Variants in GPR32 observed in about 807,000 individuals in gnomAD.
GPR32 encodes G protein-coupled receptor 32.
For missense variants in GPR32, 433 were observed against 454.1 expected, an observed-to-expected ratio of 0.95 and a Z score of 0.42; for synonymous variants, 215 against 195.3, an observed-to-expected ratio of 1.10 and a Z score of -0.84.
Position 50,771,428 on chromosome 19 carries a change from G to T in GPR32, c.828G>T (p.Leu276=). The T allele has an allele frequency of 6.2e-7, 1 of 1,614,202 alleles. No homozygotes were observed. Among genetic ancestry groups the T allele is most frequent in the Non-Finnish European group, 8.5e-7 (1 of 1,180,030 alleles). Residue 276 remains leucine, a synonymous_variant, in exon 1 of 1, where the codon CTG becomes CTT. Coordinates refer to ENST00000270590, the MANE Select transcript of GPR32 (RefSeq NM_001506.2). ...FIFWSPFNVV[L]LVHLWRRVML... ...TCTGGTCCCCGTTTAACGTGGTGCT[G>T]TTGGTCCATCTGTGGCGACGGGTGA...
Position 50,771,467 on chromosome 19 carries a change from C to G in GPR32, c.867C>G (p.Ile289Met), listed in dbSNP as rs1234782193. The G allele has an allele frequency of 6.2e-7, 1 of 1,614,194 alleles. No homozygotes were observed. The highest frequency in any genetic ancestry group is 8.5e-7 in the Non-Finnish European group (1 of 1,180,024). The change falls in exon 1 of 1, where the codon ATC (isoleucine) becomes ATG (methionine). Residue 289 changes from isoleucine to methionine, a missense_variant. Ile to Met is a conservative substitution (Grantham distance 10). Transcript: ENST00000270590. ...HLWRRVMLKEIYHPRMLLILQ... is the reference protein window; with the variant it reads ...HLWRRVMLKEMYHPRMLLILQ... ...GGCGACGGGTGATGCTCAAGGAAAT[C>G]TACCACCCCCGGATGCTGCTCATCC...
chr19:50,770,789 G>A lies in GPR32; in HGVS notation c.189G>A (p.Leu63=), dbSNP rs371882426. Residue 63 remains leucine, a synonymous_variant, in exon 1 of 1, where the codon CTG becomes CTA. Transcript: ENST00000270590. ...TCGTCGGAGTGCTGGGCAATGGGCTGGTGCTGTGGATGACTGTCTTCCGTA... is the reference window on the plus strand; with the variant it reads ...TCGTCGGAGTGCTGGGCAATGGGCTAGTGCTGTGGATGACTGTCTTCCGTA... ...SIVVGVLGNG[L]VLWMTVFRMA... The A allele has an allele frequency of 7.4e-6, 12 of 1,614,016 alleles. No homozygotes were observed. In the African/African-American group the frequency reaches 9.3e-5, roughly 13 times the overall value.
At chr19:50,770,893 C>CCT in the GPR32 span, 1,116 of 1,612,358 alleles carry the variant, frequency 6.9e-4, 7 homozygotes, top group Admixed American at 8.5e-4. Flanking sequence ...CTGCCCATTG[C>CCT]CATGTACTAT....
Position 50,771,480 on chromosome 19 carries a change from A to T in GPR32, c.880A>T (p.Met294Leu). The T allele has an allele frequency of 6.2e-7, 1 of 1,614,178 alleles. No individual in the cohort carries two copies. The highest frequency in any genetic ancestry group is 8.5e-7 in the Non-Finnish European group (1 of 1,180,030). The change falls in exon 1 of 1, where the codon ATG (methionine) becomes TTG (leucine). Residue 294 changes from methionine to leucine, a missense_variant. Transcript: ENST00000270590. ...VMLKEIYHPR[M>L]LLILQASFAL... is the part of the protein sequence containing the mutation. ...GCTCAAGGAAATCTACCACCCCCGG[A>T]TGCTGCTCATCCTCCAGGCTAGCTT...
chr19:50,771,012 G>A lies in GPR32; in HGVS notation c.412G>A (p.Asp138Asn), dbSNP rs2089396972. ...CTGCCTCCTTGTCTTCATCTCTGTGGACCGTTGCATCTCTGTCCTCTACCC... is the reference window on the plus strand; with the variant it reads ...CTGCCTCCTTGTCTTCATCTCTGTGAACCGTTGCATCTCTGTCCTCTACCC... ...SNCLLVFISV[D>N]RCISVLYPVW... The change falls in exon 1 of 1, where the codon GAC (aspartate) becomes AAC (asparagine). Residue 138 changes from aspartate (D) to asparagine (N), a missense_variant. Asp to Asn is a conservative substitution (Grantham distance 23, BLOSUM62 1). Coordinates refer to ENST00000270590, the MANE Select transcript of GPR32 (RefSeq NM_001506.2). 1.2e-6 allele frequency: 2 copies of A among 1,614,012 alleles called. No individual in the cohort carries two copies. The highest frequency in any genetic ancestry group is 8.5e-7 in the Non-Finnish European group (1 of 1,180,044).
chr19:50,770,881 C>G lies in GPR32; in HGVS notation c.281C>G (p.Ser94Cys). Residue 94 changes from serine to cysteine, a missense_variant, in exon 1 of 1, where the codon TCT becomes TGT. Physicochemically the swap from Ser to Cys is moderately radical, Grantham distance 112. Transcript: ENST00000270590. ...LALADFMLSL[S>C]LPIAMYYIVS... ...CTTGCCGATTTCATGCTCTCACTGT[C>G]TCTGCCCATTGCCATGTACTATATT... 6.2e-7 allele frequency: 1 copy of G among 1,614,202 alleles called. No individual in the cohort carries two copies.
Position 50,771,640 on chromosome 19 carries a change from C to A in GPR32, c.1040C>A (p.Ser347Tyr), listed in dbSNP as rs371027495. Residue 347 changes from serine to tyrosine, a missense_variant, in exon 1 of 1, where the codon TCC becomes TAC. Physicochemically the swap from Ser to Tyr is moderately radical, Grantham distance 144. Coordinates refer to ENST00000270590, the MANE Select transcript of GPR32 (RefSeq NM_001506.2). ...TTTGGAGAGGAGGAGTTTCTGTCATCCTGTCCCCGTGGCAACGCCCCCCGG... is the reference window on the plus strand; with the variant it reads ...TTTGGAGAGGAGGAGTTTCTGTCATACTGTCCCCGTGGCAACGCCCCCCGG... ...RAFGEEEFLS[S>Y]CPRGNAPRE 1 of 1,613,184 alleles carries A rather than the reference C, an allele frequency of 6.2e-7. No homozygotes were observed. Among genetic ancestry groups the A allele is most frequent in the African/African-American group, 1.3e-5 (1 of 74,900 alleles).
Position 50,771,708 on chromosome 19 carries a change from T to A in GPR32, c.*37T>A. The stretch of plus-strand genomic sequence containing the variant: ...AGCTGGAAGCTGGAAGCCGTCCTTC[T>A]TAGTTTGCTTGTGGCCTCTTACCTT... On this transcript the variant is annotated 3_prime_UTR_variant, in exon 1 of 1. Transcript: ENST00000270590. The A allele has an allele frequency of 7.0e-7, 1 of 1,424,518 alleles. No individual in the cohort carries two copies. Among genetic ancestry groups the A allele is most frequent in the Middle Eastern group, 1.8e-4 (1 of 5,514 alleles). 88.2% of individuals were successfully genotyped at this position (1,424,518 alleles called of 1,614,324 possible). A position where few individuals can be genotyped will look rare whatever the true frequency, so the allele number is the denominator to read the frequency against.
rs1864011 is a variant in GPR32, at chr19:50,771,579, T to C, written c.979T>C (p.Phe327Leu). 53,678 of 1,613,674 alleles carry C rather than the reference T, an allele frequency of 0.033. 780 individuals carry two copies. The highest frequency in any genetic ancestry group is 0.041 in the South Asian group (3,766 of 91,074). The change falls in exon 1 of 1, where the codon TTT (phenylalanine) becomes CTT (leucine). Residue 327 changes from phenylalanine to leucine, a missense_variant. Transcript: ENST00000270590. The stretch of plus-strand genomic sequence containing the variant: ...CGTTGGCAGAGATTTCCAAGAAAAG[T>C]TTTTCCAGTCTTTGACTTCTGCCCT... The part of the protein sequence containing the change: ...VFVGRDFQEK[F>L]FQSLTSALAR...
At position 50,770,565 on chromosome 19, in the gene GPR32, A is replaced by G. The variant is rs556559052; in HGVS notation, c.-36A>G. ...CGCTGTCTCTAAAAGAATAATAATA[A>G]TAAGCATTCCATAAAAATTATGGAA... On this transcript the variant is annotated 5_prime_UTR_variant, in exon 1 of 1. Transcript: ENST00000270590. The G allele has an allele frequency of 3.7e-6, 5 of 1,337,286 alleles. No individual in the cohort carries two copies. Among genetic ancestry groups the G allele is most frequent in the Admixed American group, 2.2e-5 (1 of 45,418 alleles). 82.8% of individuals were successfully genotyped at this position (1,337,286 alleles called of 1,614,324 possible).
rs538507863 is a variant in GPR32, at chr19:50,770,696, C to A, written c.96C>A (p.Ser32=). 1 of 1,614,000 alleles carries A rather than the reference C, an allele frequency of 6.2e-7. No homozygotes were observed. Among genetic ancestry groups the A allele is most frequent in the Non-Finnish European group, 8.5e-7 (1 of 1,179,972 alleles). The change falls in exon 1 of 1, where the codon TCC becomes TCA. Residue 32 remains serine (S), a synonymous_variant. Coordinates refer to ENST00000270590, the MANE Select transcript of GPR32 (RefSeq NM_001506.2). ...CTTGTTCCAGGAAGATGAACTCTTC[C>A]GGATGCCTGTCTGAGGAGGTGGGGT... ...DRSCSRKMNS[S]GCLSEEVGSL...
At position 50,771,275 on chromosome 19, in the gene GPR32, C is replaced by T. The variant is rs774136687; in HGVS notation, c.675C>T (p.Phe225=). 11 of 1,614,018 alleles carry T rather than the reference C, an allele frequency of 6.8e-6. No homozygotes were observed. In the South Asian group the frequency reaches 9.9e-5, roughly 14 times the overall value. The part of the protein sequence containing the change: ...IGTIGHFLLG[F]LGPLAIIGTC... ...CCATTGGCCACTTCCTGCTGGGCTTCCTGGGGCCCTTAGCAATCATAGGCA... is the reference window on the plus strand; with the variant it reads ...CCATTGGCCACTTCCTGCTGGGCTTTCTGGGGCCCTTAGCAATCATAGGCA... The change falls in exon 1 of 1, where the codon TTC becomes TTT. Residue 225 remains phenylalanine, a synonymous_variant. Coordinates refer to ENST00000270590, the MANE Select transcript of GPR32 (RefSeq NM_001506.2).
rs371454037 is a variant in GPR32, at chr19:50,770,715, G to A, written c.115G>A (p.Val39Met). ...MNSSGCLSEE[V>M]GSLRPLTVVI... is the part of the protein sequence containing the mutation. ...CTCTTCCGGATGCCTGTCTGAGGAG[G>A]TGGGGTCCCTCCGCCCACTGACTGT... The change falls in exon 1 of 1, where the codon GTG becomes ATG. Residue 39 changes from valine (V) to methionine (M), a missense_variant. Transcript: ENST00000270590. 3 of 1,614,110 alleles carry A rather than the reference G, an allele frequency of 1.9e-6. No individual in the cohort carries two copies. The highest frequency in any genetic ancestry group is 2.7e-5 in the African/African-American group (2 of 75,040).
Position 50,771,224 on chromosome 19 carries a change from G to A in GPR32, c.624G>A (p.Gly208=), listed in dbSNP as rs756933035. The A allele has an allele frequency of 3.1e-6, 5 of 1,614,058 alleles. No homozygotes were observed. The African/African-American group carries it at 4.0e-5, about 13-fold the overall frequency. Residue 208 remains glycine (G), a synonymous_variant, in exon 1 of 1, where the codon GGG becomes GGA. Coordinates refer to ENST00000270590, the MANE Select transcript of GPR32 (RefSeq NM_001506.2). ...DNETAQIWIE[G]VVEGHIIGTI... ...AGACTGCCCAGATTTGGATTGAAGG[G>A]GTCGTGGAGGGACACATTATAGGGA... is the stretch of plus-strand genomic sequence containing the variant.
rs148996594 is a variant in GPR32, at chr19:50,770,990, C to T, written c.390C>T (p.Cys130=). 1.1e-5 allele frequency: 17 copies of T among 1,614,040 alleles called. No homozygotes were observed. Among genetic ancestry groups the T allele is most frequent in the African/African-American group, 9.3e-5 (7 of 74,916 alleles). ...TCCTCAGCTACTTTGCCAGTAACTG[C>T]CTCCTTGTCTTCATCTCTGTGGACC... is the stretch of plus-strand genomic sequence containing the variant. The part of the protein sequence containing the change: ...FVFLSYFASN[C]LLVFISVDRC... The change falls in exon 1 of 1, where the codon TGC becomes TGT. Residue 130 remains cysteine (C), a synonymous_variant. Coordinates refer to ENST00000270590, the MANE Select transcript of GPR32 (RefSeq NM_001506.2).
Position 50,770,818 on chromosome 19 carries a change from C to A in GPR32, c.218C>A (p.Ala73Glu), listed in dbSNP as rs1245157149. Residue 73 changes from alanine (A) to glutamate (E), a missense_variant, in exon 1 of 1, where the codon GCA (alanine) becomes GAA (glutamate). Physicochemically the swap from Ala to Glu is moderately radical, Grantham distance 107 (BLOSUM62 -1). Transcript: ENST00000270590. ...LVLWMTVFRM[A>E]RTVSTVCFFH... is the part of the protein sequence containing the mutation. Reference sequence around the variant, plus strand: ...CTGTGGATGACTGTCTTCCGTATGGCACGCACGGTCTCCACCGTCTGCTTC... The same window carrying A: ...CTGTGGATGACTGTCTTCCGTATGGAACGCACGGTCTCCACCGTCTGCTTC... 3 of 1,614,008 alleles carry A rather than the reference C, an allele frequency of 1.9e-6. No individual in the cohort carries two copies. The highest frequency in any genetic ancestry group is 2.5e-6 in the Non-Finnish European group (3 of 1,180,022).
Position 50,771,046 on chromosome 19 carries a change from C to T in GPR32, c.446C>T (p.Ala149Val). 1 of 1,614,128 alleles carries T rather than the reference C, an allele frequency of 6.2e-7. No homozygotes were observed. The highest frequency in any genetic ancestry group is 8.5e-7 in the Non-Finnish European group (1 of 1,180,036). ...ATCTCTGTCCTCTACCCCGTCTGGG[C>T]CCTGAACCACCGCACTGTGCAGCGG... Reference protein sequence around the residue: ...RCISVLYPVWALNHRTVQRAS... With the variant: ...RCISVLYPVWVLNHRTVQRAS... Residue 149 changes from alanine to valine, a missense_variant, in exon 1 of 1, where the codon GCC (alanine) becomes GTC (valine). Ala to Val is a moderately conservative substitution (Grantham distance 64). Transcript: ENST00000270590.
Position 50,771,125 on chromosome 19 carries a change from G to C in GPR32, c.525G>C (p.Ala175=). Residue 175 remains alanine, a synonymous_variant, in exon 1 of 1, where the codon GCG becomes GCC. Transcript: ENST00000270590. The part of the protein sequence containing the change: ...VWLLAAALCS[A]HLKFRTTRKW... ...TCCTGGCCGCCGCCTTGTGCTCTGC[G>C]CACCTGAAATTCCGGACAACCAGAA... 6.2e-7 allele frequency: 1 copy of C among 1,614,172 alleles called. No individual in the cohort carries two copies. Among genetic ancestry groups the C allele is most frequent in the Non-Finnish European group, 8.5e-7 (1 of 1,180,048 alleles).
chr19:50,770,911 CCAGG>C, the GPR32 span: 1 of 1,614,186 alleles, frequency 6.2e-7, no homozygotes, highest in African/African-American at 1.3e-5. Context: ...TATATTGTCT[CCAGG>C]CAGTGGCTCC....
Sources: gnomAD v4.1 joint callset for allele counts on GRCh38, gnomAD v4.1.1 for gene constraint, MANE v1.5 for transcripts, NCBI Gene and HGNC (gene_info 2026-07-23, HGNC 2026-07-21) for gene names.